KAZN: variants seen among roughly 807,000 people sequenced by gnomAD.
KAZN encodes the protein kazrin, periplakin interacting protein, also known as kazrin.
KAZN carries 40 observed loss-of-function variants against 87.4 expected under a neutral mutation model. The observed-to-expected ratio is 0.46, with a 90% confidence interval of 0.36 to 0.60. The LOEUF is 0.60. Ranked by LOEUF, KAZN falls within the 20% of genes least tolerant of loss-of-function variation. KAZN has a pLI of 0.00. For synonymous variants in KAZN, 466 were observed against 458.3 expected (o/e 1.02, Z -0.22); for missense variants, 898 against 1,073.9 (o/e 0.84, Z 2.29).
chr1:14,382,895 C>T (rs1236733487), intron 2 of KAZN, among the ~76,000 whole-genome samples: 1 of 151,978 alleles, frequency 6.6e-6, no homozygotes, highest in Non-Finnish European at 1.5e-5. Flanking sequence ...AATCGCCACA[C>T]TGACTTCCAC....
chr1:14,212,840 C>T (rs1017135478), intron 2 of KAZN, among the ~76,000 whole-genome samples: 5 of 152,240 alleles, frequency 3.3e-5, no homozygotes, highest in East Asian at 1.9e-4. Context: ...CTAGCCAATT[C>T]GAAGGCCTAA....
intron 1 of KAZN, among the ~76,000 whole-genome samples, chr1:14,919,702 CA>C: frequency 6.6e-6 from 1 of 152,302 alleles, no homozygotes; most frequent in South Asian, 2.1e-4. Context: ...CAAATAGAAA[CA>C]TAAAAACATT....
chr1:14,556,950 C>T (rs755188016), intron 2 of KAZN, among the ~76,000 whole-genome samples: 1 of 152,056 alleles, frequency 6.6e-6, no homozygotes, highest in Non-Finnish European at 1.5e-5. Flanking sequence ...AAATGGCAGA[C>T]CATTTGGAAG....
chr1:14,781,884 A>G (rs1038227097), intron 1 of KAZN, among the ~76,000 whole-genome samples: 2 of 152,214 alleles, frequency 1.3e-5, no homozygotes, highest in Non-Finnish European at 1.5e-5. Flanking sequence ...AAAATTGTCA[A>G]TAATTGGTGG....
chr1:13,928,372 T>C (rs921638695), intron 1 of KAZN, among the ~76,000 whole-genome samples: 1 of 152,232 alleles, frequency 6.6e-6, no homozygotes, highest in Non-Finnish European at 1.5e-5. Flanking sequence ...GAACTTGTTA[T>C]ATACCTGGCA....
intron 2 of KAZN, among the ~76,000 whole-genome samples, chr1:14,419,813 G>A (rs955189291): frequency 6.6e-6 from 1 of 152,086 alleles, no homozygotes; most frequent in Non-Finnish European, 1.5e-5. Context: ...CGGTGGGTTC[G>A]GGGTCTCGCT....
At chr1:14,020,823 G>T (rs1429406442) in intron 1 of KAZN, among the ~76,000 whole-genome samples, 1 of 152,104 alleles carries the variant, frequency 6.6e-6, no homozygotes, top group African/African-American at 2.4e-5. Context: ...CCATCTTCTG[G>T]AATTCTCAAA....
chr1:14,170,378 G>T (rs199886772), intron 1 of KAZN, among the ~76,000 whole-genome samples: 6 of 144,406 alleles, frequency 4.2e-5, no homozygotes, highest in Non-Finnish European at 6.1e-5. Flanking sequence ...AAGGTAAAAA[G>T]AAAAAAAAAA....
At chr1:14,433,936 G>A (rs1192410063) in intron 2 of KAZN, among the ~76,000 whole-genome samples, 2 of 152,232 alleles carry the variant, frequency 1.3e-5, no homozygotes, top group Admixed American at 6.5e-5. Flanking sequence ...GAATGGCCAC[G>A]TGAGGACACA....
intron 1 of KAZN, among the ~76,000 whole-genome samples, chr1:14,837,628 C>T (rs1390080908): frequency 6.7e-6 from 1 of 150,356 alleles, no homozygotes; most frequent in East Asian, 1.9e-4. Context: ...TCATAGCTCA[C>T]TGCAGCCTCA....
intron 1 of KAZN, among the ~76,000 whole-genome samples, chr1:13,985,776 A>C (rs1638987578): frequency 6.6e-6 from 1 of 152,194 alleles, no homozygotes; most frequent in South Asian, 2.1e-4. Context: ...GGAATTATAC[A>C]GTGTGTGGTC....
At chr1:14,362,016 A>T (rs1018823253) in intron 2 of KAZN, among the ~76,000 whole-genome samples, 1 of 152,244 alleles carries the variant, frequency 6.6e-6, no homozygotes, top group African/African-American at 2.4e-5. Flanking sequence ...CCAGGGGGTC[A>T]ATGGCACATT....
intron 2 of KAZN, among the ~76,000 whole-genome samples, chr1:14,428,800 C>G (rs568961695): frequency 3.4e-3 from 523 of 152,104 alleles, no homozygotes; most frequent in African/African-American, 0.012. Flanking sequence ...GGAAACCACC[C>G]CCATGATTCA....
rs967585062 is a variant in KAZN at position 14,184,537 on chromosome 1, T to C, written c.249+3945T>C. ...CGGAAGCAGCAGCAGGAGGGAAACC[T>C]GGCATTTAGGAGGCAGATCGGGAGC... On this transcript the variant is annotated intron_variant, in intron 2 of 16. Transcript: ENST00000636203. The surrounding 1 kb of genome is among the most constrained non-coding windows in gnomAD (Gnocchi z 4.2). Among the ~76,000 whole-genome samples the C allele has an allele frequency of 1.3e-5, 2 of 152,152 alleles. No homozygotes were observed. Among genetic ancestry groups the C allele is most frequent in the African/African-American group, 4.8e-5 (2 of 41,448 alleles).
chr1:14,204,108 G>T (rs1023889607), intron 2 of KAZN, among the ~76,000 whole-genome samples: 1 of 152,260 alleles, frequency 6.6e-6, no homozygotes, highest in African/African-American at 2.4e-5. Flanking sequence ...GAGATTGGAA[G>T]TAGGATAGTG....
chr1:14,900,973 A>G (rs547693748), intron 1 of KAZN, among the ~76,000 whole-genome samples: 272 of 152,312 alleles, frequency 1.8e-3, no homozygotes, highest in South Asian at 8.1e-3. Flanking sequence ...CCAACAAATA[A>G]ATGAGCATTT....
intron 1 of KAZN, among the ~76,000 whole-genome samples, chr1:14,887,189 C>G (rs4661542): frequency 0.04 from 6,041 of 152,240 alleles, 148 homozygotes; most frequent in Non-Finnish European, 0.05. Context: ...TGCCAAAGAC[C>G]TGTTTTATTA....
At chr1:14,978,982 G>T (rs1036193617) in intron 2 of KAZN, among the ~76,000 whole-genome samples, 4 of 151,902 alleles carry the variant, frequency 2.6e-5, no homozygotes, top group African/African-American at 7.2e-5. Context: ...TCGGCTCACT[G>T]CAATCTCCAT....
At chr1:14,367,872 A>T (rs1660145457) in intron 2 of KAZN, among the ~76,000 whole-genome samples, 1 of 152,106 alleles carries the variant, frequency 6.6e-6, no homozygotes, top group South Asian at 2.1e-4. Context: ...CTTCTCTCAG[A>T]TCCTTGGAGA....
Sources: allele counts gnomAD v4.1 joint callset (sites outside exome capture counted in the v4.1 genomes callset), GRCh38; gene constraint gnomAD v4.1.1; non-coding constraint Gnocchi (gnomAD v3.1); transcripts MANE v1.5; gene names NCBI Gene and HGNC (gene_info 2026-07-23, HGNC 2026-07-21).